Variants in ENPP2 observed in about 807,000 individuals in gnomAD.
ENPP2 encodes the protein autotaxin.
In ENPP2, 51 loss-of-function variants were observed where a neutral mutation model predicts 120.2. The ratio of observed to expected loss-of-function variants is 0.42; its 90% CI spans 0.34 to 0.54. ENPP2 has a LOEUF of 0.54. Ranked by LOEUF, ENPP2 falls within the 20% of genes least tolerant of loss-of-function variation. ENPP2 has a pLI of 0.04. For synonymous variants in ENPP2, 365 were observed against 366.4 expected, an observed-to-expected ratio of 1.00 and a Z score of 0.04; for missense variants, 920 against 1,066.5, an observed-to-expected ratio of 0.86 and a Z score of 1.91.
At chr8:119,642,769 T>G (rs1430075609), upstream of ENPP2, among the ~76,000 whole-genome samples, 1 of 152,228 alleles carries the variant, frequency 6.6e-6, no homozygotes, top group African/African-American at 2.4e-5. Context: ...TTAATTGTAA[T>G]ACAGTAGTTG....
At chr8:119,575,318 C>A (rs1812258125) in intron 19 of ENPP2, among the ~76,000 whole-genome samples, 2 of 151,980 alleles carry the variant, frequency 1.3e-5, no homozygotes. Flanking sequence ...TGGGTTATTT[C>A]ATGGAGAGTG....
intron 2 of ENPP2, among the ~76,000 whole-genome samples, chr8:119,636,000 G>C (rs541834756): frequency 6.6e-6 from 1 of 152,294 alleles, no homozygotes; most frequent in South Asian, 2.1e-4. Flanking sequence ...ATCTCACTCT[G>C]ATCAATCCGA....
rs149234757 is a variant in ENPP2, at chr8:119,602,191, C to T, written c.834-729G>A. 9.7e-3 allele frequency among the ~76,000 whole-genome samples: 1,475 copies of T among 152,240 alleles called. 19 individuals carry two copies. Among genetic ancestry groups the T allele is most frequent in the African/African-American group, 0.033 (1,388 of 41,534 alleles). ...ACCAAGAATAGGCCAGGTGCAGTGGCTCATGCCTATAATCCCAGCATTTTG... is the reference window on the plus strand; with the variant it reads ...ACCAAGAATAGGCCAGGTGCAGTGGTTCATGCCTATAATCCCAGCATTTTG... On this transcript the variant is annotated intron_variant, in intron 9 of 24. Coordinates refer to ENST00000075322, the MANE Select transcript of ENPP2 (RefSeq NM_001040092.3).
At chr8:119,636,469 T>C (rs1817006709) in intron 2 of ENPP2, among the ~76,000 whole-genome samples, 1 of 152,140 alleles carries the variant, frequency 6.6e-6, no homozygotes, top group Non-Finnish European at 1.5e-5. Context: ...CTTCACGTGG[T>C]TAGAAGTTTA....
intron 24 of ENPP2, among the ~76,000 whole-genome samples, chr8:119,562,133 C>T (rs766053459): frequency 5.2e-4 from 75 of 143,954 alleles, no homozygotes; most frequent in Non-Finnish European, 8.9e-4. Flanking sequence ...TGAGACTCCG[C>T]CTCAAAAAAA....
chr8:119,670,488 G>A (rs565424380), intron 1 of ENPP2, among the ~76,000 whole-genome samples: 4 of 152,282 alleles, frequency 2.6e-5, no homozygotes, highest in Admixed American at 1.3e-4. Context: ...AGCACTAACT[G>A]TAATCATACT....
At chr8:119,597,716 G>A (rs1489232501) in intron 11 of ENPP2, among the ~76,000 whole-genome samples, 2 of 152,068 alleles carry the variant, frequency 1.3e-5, no homozygotes, top group Non-Finnish European at 2.9e-5. Context: ...GAAAAAGATT[G>A]CGCCAATAAT....
chr8:119,658,353 C>T (rs2130889878), intron 1 of ENPP2, among the ~76,000 whole-genome samples: 1 of 152,310 alleles, frequency 6.6e-6, no homozygotes, highest in Non-Finnish European at 1.5e-5. Context: ...TAACTTCAGC[C>T]TCAAACTCCT....
At position 119,631,204 on chromosome 8, in the gene ENPP2, CTTTTTTTTTTTTTTTTT is replaced by C. The variant is rs60092023; in HGVS notation, c.137-4501_137-4485del. Among the ~76,000 whole-genome samples the C allele has an allele frequency of 6.5e-4, 40 of 61,776 alleles. No homozygotes were observed. The East Asian group carries it at 0.012, about 18-fold the overall frequency. 40.5% of individuals were successfully genotyped at this position (61,776 alleles called of 152,430 possible). A position where few individuals can be genotyped will look rare whatever the true frequency, so the allele number is the denominator to read the frequency against. On this transcript the variant is annotated intron_variant, in intron 2 of 24. Transcript: ENST00000075322. The stretch of plus-strand genomic sequence containing the variant: ...CCACTGCGCCCAGCCATGCTGCTAT[CTTTTTTTTTTTTTTTTT>C]TTTTTTTTTTTTTGAGACGGAGTCT...
rs942391065 is a variant in ENPP2 at position 119,593,299 on chromosome 8, C to T, written c.1081+453G>A. 9.9e-5 allele frequency among the ~76,000 whole-genome samples: 15 copies of T among 152,162 alleles called. No individual in the cohort carries two copies. The South Asian group carries it at 1.2e-3, about 13-fold the overall frequency. On this transcript the variant is annotated intron_variant, in intron 12 of 24. Coordinates refer to ENST00000075322, the MANE Select transcript of ENPP2 (RefSeq NM_001040092.3). ...ATTCGGGGAAATGATTTGACTTACA[C>T]GCCACTTCTTTGACAAGAATCCCAT...
In ENPP2 at chr8:119,617,618, C is replaced by T. The variant is rs143958463; in HGVS notation, c.480-55G>A. 8.6e-4 allele frequency: 1,049 copies of T among 1,218,650 alleles called. 3 individuals carry two copies. Among genetic ancestry groups the T allele is most frequent in the Middle Eastern group, 7.2e-3 (38 of 5,268 alleles). 75.5% of individuals were successfully genotyped at this position (1,218,650 alleles called of 1,614,324 possible). A position where few individuals can be genotyped will look rare whatever the true frequency, so the allele number is the denominator to read the frequency against. On this transcript the variant is annotated intron_variant, in intron 5 of 24. Coordinates refer to ENST00000075322, the MANE Select transcript of ENPP2 (RefSeq NM_001040092.3). ...AACATTATTACCAGAGTTGCCATTA[C>T]GCCTAGTGATTCTCAATAATGGGAG...
chr8:119,647,876 G>A (rs1817517742), intron 1 of ENPP2, among the ~76,000 whole-genome samples: 1 of 152,042 alleles, frequency 6.6e-6, no homozygotes, highest in African/African-American at 2.4e-5. Flanking sequence ...ATGGTGGTGG[G>A]CGCCTGTAAT....
chr8:119,666,850 C>G (rs1818088480), intron 1 of ENPP2, among the ~76,000 whole-genome samples: 1 of 151,628 alleles, frequency 6.6e-6, no homozygotes, highest in Admixed American at 6.6e-5. Context: ...GGTATATTTT[C>G]CAGGAGGTAC....
chr8:119,557,210 G>A lies in ENPP2; in HGVS notation c.*311C>T, dbSNP rs1813537304. On this transcript the variant is annotated 3_prime_UTR_variant, in exon 25 of 25. Transcript: ENST00000075322. Reference sequence around the variant, plus strand: ...AAATCAGTGTTTCCATACAGTACAGGACTAAATGTGGCAACTGTGCATTGG... The same window carrying A: ...AAATCAGTGTTTCCATACAGTACAGAACTAAATGTGGCAACTGTGCATTGG... 3.5e-6 allele frequency: 1 copy of A among 285,158 alleles called. No individual in the cohort carries two copies. Among genetic ancestry groups the A allele is most frequent in the Non-Finnish European group, 6.6e-6 (1 of 151,712 alleles). 17.7% of individuals were successfully genotyped at this position (285,158 alleles called of 1,614,324 possible). A position where few individuals can be genotyped will look rare whatever the true frequency, so the allele number is the denominator to read the frequency against.
In ENPP2 at chr8:119,629,028, A is replaced by G. The variant is rs925441973; in HGVS notation, c.137-2308T>C. On this transcript the variant is annotated intron_variant, in intron 2 of 24. Transcript: ENST00000075322. Reference sequence around the variant, plus strand: ...ACTTTCTCTTTCCTTCTCTCTCATTATATATAAATACCATACAATATATGT... The same window carrying G: ...ACTTTCTCTTTCCTTCTCTCTCATTGTATATAAATACCATACAATATATGT... Among the ~76,000 whole-genome samples, 5 of 152,280 alleles carry G rather than the reference A, an allele frequency of 3.3e-5. No individual in the cohort carries two copies. In the East Asian group the frequency reaches 9.7e-4, roughly 29 times the overall value.
chr8:119,611,480 A>C lies in ENPP2; in HGVS notation c.778-3503T>G, dbSNP rs1175825808. On this transcript the variant is annotated intron_variant, in intron 8 of 24. Coordinates refer to ENST00000075322, the MANE Select transcript of ENPP2 (RefSeq NM_001040092.3). ...TGGTTTCCACGTGATTAGGGCCAGA[A>C]GGAGGTGAGTGAGGAAGCTGTTGGC... Among the ~76,000 whole-genome samples the C allele has an allele frequency of 2.0e-5, 3 of 152,278 alleles. No homozygotes were observed. The South Asian group carries it at 6.2e-4, about 32-fold the overall frequency.
At chr8:119,662,893 T>C (rs1338441370) in intron 1 of ENPP2, among the ~76,000 whole-genome samples, 3 of 152,108 alleles carry the variant, frequency 2.0e-5, no homozygotes, top group African/African-American at 7.2e-5. Flanking sequence ...GGAGGATCAC[T>C]TGAGGTCAGG....
At chr8:119,598,979 A>T (rs1814094294) in intron 11 of ENPP2, among the ~76,000 whole-genome samples, 1 of 152,232 alleles carries the variant, frequency 6.6e-6, no homozygotes. Flanking sequence ...CAAACTTTTA[A>T]GTAGGGAACA....
intron 1 of ENPP2, among the ~76,000 whole-genome samples, chr8:119,664,319 C>G (rs1818008438): frequency 6.6e-6 from 1 of 152,198 alleles, no homozygotes; most frequent in East Asian, 1.9e-4. Context: ...AGCGCTACCA[C>G]TTCCAAGCTG....
Sources: gnomAD v4.1 joint callset for allele counts (sites outside exome capture counted in the v4.1 genomes callset) on GRCh38, gnomAD v4.1.1 for gene constraint, MANE v1.5 for transcripts, NCBI Gene and HGNC (gene_info 2026-07-23, HGNC 2026-07-21) for gene names.